Variants in MACF1 observed in about 807,000 individuals in gnomAD.
MACF1 encodes microtubule actin crosslinking factor 1.
A neutral mutation model predicts 854.8 loss-of-function variants in MACF1; 193 were observed. That is an observed-to-expected ratio of 0.23 (90% CI 0.20 to 0.25). The LOEUF is 0.25. MACF1 is among the 10% of genes least tolerant of loss of function. MACF1 has a pLI of 1.00. For missense variants in MACF1, 7,722 were observed against 8,929.1 expected, an observed-to-expected ratio of 0.86 and a Z score of 5.45; for synonymous variants, 3,185 against 3,226.7, an observed-to-expected ratio of 0.99 and a Z score of 0.44.
At chr1:39,274,628 T>C (rs1159463787) in intron 6 of MACF1, among the ~76,000 whole-genome samples, 1 of 152,214 alleles carries the variant, frequency 6.6e-6, no homozygotes, top group Non-Finnish European at 1.5e-5. Flanking sequence ...GATTTTGGTA[T>C]CTGAGGGAGG....
chr1:39,411,835 T>C, intron 58 of MACF1: 1 of 1,613,874 alleles, frequency 6.2e-7, no homozygotes, highest in Non-Finnish European at 8.5e-7. Flanking sequence ...TTTAGGCCTT[T>C]TACATGTAAG....
In MACF1 at chr1:39,324,262, C is replaced by A. The variant is rs1404118214; in HGVS notation, c.4306C>A (p.Leu1436Ile). 2.5e-6 allele frequency: 4 copies of A among 1,613,644 alleles called. No homozygotes were observed. The African/African-American group carries it at 5.3e-5, about 22-fold the overall frequency. ...AGAACTTTTGGGCTGGGTGTCTACC[C>A]TAGCGAGGAATACACAAGGAAAAGC... is the stretch of plus-strand genomic sequence containing the variant. ...VKELLGWVST[L>I]ARNTQGKATS... is the part of the protein sequence containing the mutation. The change falls in exon 34 of 101, where the codon CTA becomes ATA. Residue 1436 changes from leucine (L) to isoleucine (I), a missense_variant. By Grantham distance (5) the Leu-to-Ile change is conservative. This residue lies in a region of MACF1 where 1,137 missense variants were observed against 1,263.0 expected (regional missense o/e 0.90). Coordinates refer to ENST00000564288, the MANE Select transcript of MACF1 (RefSeq NM_001394062.1).
intron 22 of MACF1, among the ~76,000 whole-genome samples, chr1:39,301,960 C>G (rs1250637233): frequency 6.6e-6 from 1 of 150,392 alleles, no homozygotes; most frequent in Non-Finnish European, 1.5e-5. Flanking sequence ...ACAGACTATG[C>G]TTGTCTGCTT....
chr1:39,333,131 A>C lies in MACF1; in HGVS notation c.6543A>C (p.Glu2181Asp), dbSNP rs184929119. The change falls in exon 37 of 101, where the codon GAA (glutamate) becomes GAC (aspartate). Residue 2181 changes from glutamate (E) to aspartate (D), a missense_variant. Physicochemically the swap from Glu to Asp is conservative, Grantham distance 45. Transcript: ENST00000564288. ...AACAAGCACACACTCTTGAGACTGA[A>C]TATATTCATGATGAAACTGGAGGAT... ...QNEQAHTLET[E>D]YIHDETGGSH... 6.2e-7 allele frequency: 1 copy of C among 1,614,140 alleles called. No homozygotes were observed. The highest frequency in any genetic ancestry group is 8.5e-7 in the Non-Finnish European group (1 of 1,180,032).
chr1:39,320,802 T>TA (rs34400774), intron 31 of MACF1, among the ~76,000 whole-genome samples: 15,586 of 148,594 alleles, frequency 0.1, 1,027 homozygotes, highest in African/African-American at 0.19. Flanking sequence ...ATCCCATCTG[T>TA]AAAAAAAAAA....
At chr1:39,352,371 G>C (rs1400622582) in intron 43 of MACF1, among the ~76,000 whole-genome samples, 1 of 152,174 alleles carries the variant, frequency 6.6e-6, no homozygotes, top group Non-Finnish European at 1.5e-5. Flanking sequence ...CTTTCCTTTA[G>C]GAAAGAGCAG....
At chr1:39,172,930 G>A (rs1000525660) in intron 2 of MACF1, among the ~76,000 whole-genome samples, 11 of 151,986 alleles carry the variant, frequency 7.2e-5, no homozygotes, top group Non-Finnish European at 1.6e-4. Flanking sequence ...TCCCTTTTTT[G>A]TCCTTGCTGA....
chr1:39,199,170 A>C (rs1349246221), intron 2 of MACF1, among the ~76,000 whole-genome samples: 1 of 151,754 alleles, frequency 6.6e-6, no homozygotes, highest in Non-Finnish European at 1.5e-5. Context: ...TATTTTTAGT[A>C]GAGATGGGGT....
chr1:39,190,395 GTTT>G (rs750262685), intron 2 of MACF1, among the ~76,000 whole-genome samples: 2 of 79,038 alleles, frequency 2.5e-5, no homozygotes, highest in Admixed American at 1.8e-4. Flanking sequence ...GTGTGTGTTT[GTTT>G]TTGTTTTTTT....
Position 39,427,559 on chromosome 1 carries a change from C to T in MACF1, c.16421C>T (p.Ser5474Leu), listed in dbSNP as rs1643766276. The stretch of plus-strand genomic sequence containing the variant: ...GTCACAGAGAAAAAGCTTGCTAACT[C>T]AGAACCTGTTGGCACTCAGACTGCC... ...LSVTEKKLAN[S>L]EPVGTQTAKI... The change falls in exon 62 of 101, where the codon TCA (serine) becomes TTA (leucine). Residue 5474 changes from serine to leucine, a missense_variant. Ser to Leu is a moderately radical substitution (Grantham distance 145, BLOSUM62 -2). Transcript: ENST00000564288. 1.2e-6 allele frequency: 2 copies of T among 1,614,078 alleles called. No homozygotes were observed. The highest frequency in any genetic ancestry group is 1.7e-6 in the Non-Finnish European group (2 of 1,179,978).
rs1644536769 is a variant in MACF1 at position 39,460,720 on chromosome 1, T to C, written c.21449T>C (p.Phe7150Ser). The change falls in exon 92 of 101, where the codon TTC (phenylalanine) becomes TCC (serine). Residue 7150 changes from phenylalanine (F) to serine (S), a missense_variant. Physicochemically the swap from Phe to Ser is radical, Grantham distance 155 (BLOSUM62 -2). Transcript: ENST00000564288. This position sits in a 1 kb window ranked among gnomAD's most constrained non-coding sequence, Gnocchi z 4.1. The stretch of plus-strand genomic sequence containing the variant: ...CACAAAAAGTCTCGAGTGATGGATT[T>C]CTTCCGGCGCATTGATAAGGACCAG... ...MNHKKSRVMD[F>S]FRRIDKDQDG... 1.2e-6 allele frequency: 2 copies of C among 1,614,238 alleles called. No individual in the cohort carries two copies. Among genetic ancestry groups the C allele is most frequent in the Non-Finnish European group, 1.7e-6 (2 of 1,180,038 alleles).
intron 71 of MACF1, among the ~76,000 whole-genome samples, chr1:39,438,917 T>A (rs1342130269): frequency 1.3e-5 from 2 of 151,660 alleles, no homozygotes; most frequent in Non-Finnish European, 2.9e-5. Context: ...ACCCCGACTC[T>A]ACCAAAAATA....
At chr1:39,234,834 C>T (rs1340918043) in intron 2 of MACF1, among the ~76,000 whole-genome samples, 2 of 41,108 alleles carry the variant, frequency 4.9e-5, no homozygotes, top group Non-Finnish European at 8.0e-5. Context: ...GACGGGGTCG[C>T]GGCTGGGCAG....
intron 51 of MACF1, among the ~76,000 whole-genome samples, chr1:39,371,629 T>C (rs1649253057): frequency 6.6e-6 from 1 of 152,180 alleles, no homozygotes; most frequent in Non-Finnish European, 1.5e-5. Context: ...CTGTGGTAGT[T>C]GGATCTTTGA....
At chr1:39,293,424 G>A (rs368994534) in intron 17 of MACF1, 34 bp from the exon 18 acceptor site, 2 of 1,569,418 alleles carry the variant, frequency 1.3e-6, no homozygotes, top group African/African-American at 2.7e-5. Context: ...TACAAAGGCT[G>A]CCAGTCTAAT....
intron 44 of MACF1, among the ~76,000 whole-genome samples, chr1:39,355,642 T>A (rs1032012583): frequency 2.0e-5 from 3 of 152,030 alleles, no homozygotes; most frequent in African/African-American, 7.2e-5. Context: ...ATTTTTGTAT[T>A]CTTAGTAGAG....
intron 99 of MACF1, among the ~76,000 whole-genome samples, chr1:39,483,354 T>A (rs1468419337): frequency 1.3e-5 from 2 of 152,170 alleles, no homozygotes; most frequent in African/African-American, 4.8e-5. Flanking sequence ...ACAAGCAGTG[T>A]TCTGAGTAGT....
At chr1:39,459,793 AT>A (rs1464407036) in intron 91 of MACF1, 3 of 1,298,874 alleles carry the variant, frequency 2.3e-6, no homozygotes, top group South Asian at 2.5e-5. Context: ...TATCTTTTGT[AT>A]TTTTTTATTT....
At chr1:39,233,025 GTTGTTGTGTTTTGTT>G (rs1470704706) in intron 2 of MACF1, among the ~76,000 whole-genome samples, 1,501 of 94,332 alleles carry the variant, frequency 0.016, 14 homozygotes, top group South Asian at 0.048. Flanking sequence ...TGTTGTTGTT[GTTGTTGTGTTTTGTT>G]TTTTGTTTTT....
Sources: allele counts gnomAD v4.1 joint callset (sites outside exome capture counted in the v4.1 genomes callset), GRCh38; gene constraint gnomAD v4.1.1; regional missense constraint gnomAD v4.1.1; non-coding constraint Gnocchi (gnomAD v3.1); transcripts MANE v1.5; gene names NCBI Gene and HGNC (gene_info 2026-07-23, HGNC 2026-07-21).